The following FDX1 variants were observed in gnomAD, a reference collection of about 807,000 sequenced individuals.
The protein encoded by FDX1 is ferredoxin 1, also known as adrenodoxin, mitochondrial.
In FDX1, 9 loss-of-function variants were observed where a neutral mutation model predicts 14.9. That is an observed-to-expected ratio of 0.60 (90% CI 0.36 to 1.05). FDX1 has a LOEUF of 1.05. FDX1 is among the 50% of genes least tolerant of loss of function. The pLI, the probability that FDX1 is intolerant of heterozygous loss-of-function variation, is 0.01. For synonymous variants in FDX1, 92 were observed against 99.4 expected (o/e 0.93, Z 0.44); for missense variants, 204 against 237.2 (o/e 0.86, Z 0.92).
chr11:110,436,508 C>T (rs1946370564), intron 2 of FDX1, among the ~76,000 whole-genome samples: 2 of 152,160 alleles, frequency 1.3e-5, no homozygotes, highest in South Asian at 4.1e-4. Context: ...TAGCAGTTCT[C>T]AGAGGGTTTC....
chr11:110,431,084 C>CA (rs375010929), intron 1 of FDX1, among the ~76,000 whole-genome samples: 2 of 149,538 alleles, frequency 1.3e-5, no homozygotes, highest in African/African-American at 5.0e-5. Flanking sequence ...AATGAGGGCT[C>CA]AGTAGATGCC....
rs1448661776 is a variant in FDX1 at position 110,435,482 on chromosome 11, A to C, written c.186-352A>C. ...TAGTCATTGCCATTTCCTGTAAGGT[A>C]GTAGAGCTTATTACCTGGTAGGTGG... On this transcript the variant is annotated intron_variant, in intron 1 of 3. Coordinates refer to ENST00000260270, the MANE Select transcript of FDX1 (RefSeq NM_004109.5). Among the ~76,000 whole-genome samples, 4 of 152,366 alleles carry C rather than the reference A, an allele frequency of 2.6e-5. No individual in the cohort carries two copies. In the East Asian group the frequency reaches 7.7e-4, roughly 29 times the overall value.
intron 3 of FDX1, among the ~76,000 whole-genome samples, chr11:110,458,365 C>T (rs1946535694): frequency 6.6e-6 from 1 of 152,126 alleles, no homozygotes; most frequent in Admixed American, 6.5e-5. Flanking sequence ...TTCTTAAGTA[C>T]ACAGCATTTT....
At chr11:110,431,577 A>G (rs1946331961) in intron 1 of FDX1, among the ~76,000 whole-genome samples, 1 of 152,144 alleles carries the variant, frequency 6.6e-6, no homozygotes, top group African/African-American at 2.4e-5. Context: ...TTTCCTCTGC[A>G]CTTCCCCCCC....
chr11:110,444,672 A>ATATATATACACG lies in FDX1; in HGVS notation c.310+8722_310+8723insCACGTATATATA, dbSNP rs1565381804. ...TGTGTATATATATATATACGTATAT[A>ATATATATACACG]TATATATATATACACGTATATATAT... On this transcript the variant is annotated intron_variant, in intron 2 of 3. Coordinates refer to ENST00000260270, the MANE Select transcript of FDX1 (RefSeq NM_004109.5). Among the ~76,000 whole-genome samples, 14 of 78,122 alleles carry ATATATATACACG rather than the reference A, an allele frequency of 1.8e-4. No individual in the cohort carries two copies. In the East Asian group the frequency reaches 4.9e-3, roughly 27 times the overall value. 51.3% of individuals were successfully genotyped at this position (78,122 alleles called of 152,430 possible).
At position 110,463,847 on chromosome 11, in the gene FDX1, G is replaced by A. The variant is rs1053654627; in HGVS notation, c.*1379G>A. On this transcript the variant is annotated 3_prime_UTR_variant, in exon 4 of 4. Transcript: ENST00000260270. The stretch of plus-strand genomic sequence containing the variant: ...TTTTAAACTAATTCATATGTAAAAA[G>A]TGATTAGGAAGAACTTGAAGTATCA... 1 of 151,274 alleles carries A rather than the reference G, an allele frequency of 6.6e-6. No individual in the cohort carries two copies. The highest frequency in any genetic ancestry group is 2.4e-5 in the African/African-American group (1 of 41,172). The allele number at this position is 151,274 out of a possible 1,614,324, so 9.4% of individuals were successfully genotyped here. A position where few individuals can be genotyped will look rare whatever the true frequency, so the allele number is the denominator to read the frequency against.
intron 2 of FDX1, among the ~76,000 whole-genome samples, chr11:110,448,580 A>G (rs555404594): frequency 5.3e-5 from 8 of 152,284 alleles, no homozygotes; most frequent in African/African-American, 1.7e-4. Context: ...CAGAGATCTG[A>G]CTTTCTCTAG....
chr11:110,441,119 G>T (rs904976837), intron 2 of FDX1, among the ~76,000 whole-genome samples: 1 of 152,186 alleles, frequency 6.6e-6, no homozygotes, highest in Non-Finnish European at 1.5e-5. Context: ...GCTTCTTCTT[G>T]CCTTCTGCCA....
intron 1 of FDX1, among the ~76,000 whole-genome samples, chr11:110,435,049 T>A (rs1946359770): frequency 6.6e-6 from 1 of 151,806 alleles, no homozygotes; most frequent in Non-Finnish European, 1.5e-5. Flanking sequence ...CCACCACACT[T>A]GGCCTTTTCT....
At position 110,430,082 on chromosome 11, in the gene FDX1, G is replaced by C. The variant is rs377451495; in HGVS notation, c.-39G>C. 1.7e-6 allele frequency: 2 copies of C among 1,210,296 alleles called. No homozygotes were observed. The highest frequency in any genetic ancestry group is 2.1e-6 in the Non-Finnish European group (2 of 973,178). The allele number at this position is 1,210,296 out of a possible 1,614,324, so 75.0% of individuals were successfully genotyped here. ...TTGGAGTCTCTCGCGGCCTCAAAGC[G>C]CGGCCTGCGTCGCTTCCGGCAGTTC... On this transcript the variant is annotated 5_prime_UTR_variant, in exon 1 of 4. Coordinates refer to ENST00000260270, the MANE Select transcript of FDX1 (RefSeq NM_004109.5).
intron 2 of FDX1, among the ~76,000 whole-genome samples, chr11:110,447,343 A>G (rs866260860): frequency 3.4e-4 from 50 of 149,252 alleles, no homozygotes; most frequent in African/African-American, 1.2e-3. Context: ...AATCCCAGCT[A>G]CTTGGGAGGC....
intron 2 of FDX1, among the ~76,000 whole-genome samples, chr11:110,447,786 G>T (rs1359277742): frequency 6.6e-6 from 1 of 152,162 alleles, no homozygotes; most frequent in Non-Finnish European, 1.5e-5. Context: ...CCAGTCCAAA[G>T]TAGTGGTTCT....
At chr11:110,436,498 T>A (rs556126302) in intron 2 of FDX1, among the ~76,000 whole-genome samples, 98 of 152,278 alleles carry the variant, frequency 6.4e-4, no homozygotes, top group African/African-American at 2.3e-3. Context: ...ATGTTTAGAT[T>A]AGCAGTTCTC....
At chr11:110,443,150 C>T (rs1427509436) in intron 2 of FDX1, among the ~76,000 whole-genome samples, 1 of 152,118 alleles carries the variant, frequency 6.6e-6, no homozygotes, top group Non-Finnish European at 1.5e-5. Flanking sequence ...TTATCAGCAG[C>T]ATGAAAATGG....
chr11:110,441,920 G>C (rs2358321), intron 2 of FDX1, among the ~76,000 whole-genome samples: 46,121 of 152,112 alleles, frequency 0.3, 7,229 homozygotes, highest in East Asian at 0.38. Context: ...CTGGGCCCAG[G>C]GCCCCCTTGC....
intron 1 of FDX1, among the ~76,000 whole-genome samples, 195 bp downstream of exon 1, chr11:110,430,500 C>T (rs1422670185): frequency 1.3e-5 from 2 of 152,192 alleles, no homozygotes; most frequent in African/African-American, 2.4e-5. Flanking sequence ...CGCTGCCTCC[C>T]TTCCGTCGCA....
chr11:110,440,135 T>A (rs1565380661), intron 2 of FDX1, among the ~76,000 whole-genome samples: 1 of 151,624 alleles, frequency 6.6e-6, no homozygotes, highest in Non-Finnish European at 1.5e-5. Flanking sequence ...TTGTCATTTC[T>A]AATTATTCTT....
intron 2 of FDX1, among the ~76,000 whole-genome samples, chr11:110,454,648 GATAATA>G (rs982600270): frequency 1.3e-5 from 2 of 151,946 alleles, no homozygotes; most frequent in African/African-American, 4.8e-5. Context: ...TGTAACTTTG[GATAATA>G]ATAATAATGT....
At position 110,430,108 on chromosome 11, in the gene FDX1, C is replaced by CG. The variant is rs1946319178; in HGVS notation, c.-13_-12insG. On this transcript the variant is annotated 5_prime_UTR_variant, in exon 1 of 4. Coordinates refer to ENST00000260270, the MANE Select transcript of FDX1 (RefSeq NM_004109.5). ...CGGCCTGCGTCGCTTCCGGCAGTTC[C>CG]CGACCGCGGGCGATGGCTGCCGCTG... is the stretch of plus-strand genomic sequence containing the variant. 8.1e-7 allele frequency: 1 copy of CG among 1,231,846 alleles called. No homozygotes were observed. Among genetic ancestry groups the CG allele is most frequent in the African/African-American group, 1.6e-5 (1 of 63,654 alleles). 76.3% of individuals were successfully genotyped at this position (1,231,846 alleles called of 1,614,324 possible).
Sources: allele counts gnomAD v4.1 joint callset (sites outside exome capture counted in the v4.1 genomes callset), GRCh38; gene constraint gnomAD v4.1.1; transcripts MANE v1.5; gene names NCBI Gene and HGNC (gene_info 2026-07-23, HGNC 2026-07-21).